PCDHA2: variants seen among roughly 807,000 people sequenced by gnomAD.
The protein encoded by PCDHA2 is protocadherin alpha-2.
In PCDHA2, 58 loss-of-function variants were observed where a neutral mutation model predicts 66.0. That is an observed-to-expected ratio of 0.88 (90% CI 0.71 to 1.09). The LOEUF (loss-of-function observed/expected upper bound fraction) is 1.09. PCDHA2 is among the 50% of genes least tolerant of loss of function. The pLI is 0.00. For synonymous variants in PCDHA2, 634 were observed against 554.0 expected, an observed-to-expected ratio of 1.14 and a Z score of -2.03; for missense variants, 1,267 against 1,242.3, an observed-to-expected ratio of 1.02 and a Z score of -0.30.
intron 1 of PCDHA2, chr5:140,852,529 G>T: frequency 2.4e-6 from 1 of 416,580 alleles, no homozygotes. Context: ...TCCCACCTCG[G>T]CCTCCCAAAG....
chr5:140,809,233 G>C, intron 1 of PCDHA2: 1 of 1,614,102 alleles, frequency 6.2e-7, no homozygotes, highest in Non-Finnish European at 8.5e-7. Context: ...CCTCACGGGC[G>C]TTGGTGGGCG....
intron 1 of PCDHA2, chr5:140,865,770 T>C (rs1554159611): frequency 6.6e-6 from 1 of 152,200 alleles, no homozygotes; most frequent in Non-Finnish European, 1.5e-5. Context: ...GGAGATATTA[T>C]TCAAATGTGT....
At chr5:140,969,963 AT>A (rs2096372822) in intron 1 of PCDHA2, among the ~76,000 whole-genome samples, 1 of 152,204 alleles carries the variant, frequency 6.6e-6, no homozygotes. Context: ...CTTTGGCTGT[AT>A]GATGTGGCAA....
At chr5:140,832,358 T>G (rs1293168381) in intron 1 of PCDHA2, among the ~76,000 whole-genome samples, 1 of 152,342 alleles carries the variant, frequency 6.6e-6, no homozygotes, top group South Asian at 2.1e-4. Flanking sequence ...TTTCCTAATG[T>G]GAGCATTTTC....
chr5:140,968,488 C>A, intron 1 of PCDHA2: 1 of 1,614,148 alleles, frequency 6.2e-7, no homozygotes, highest in South Asian at 1.1e-5. Context: ...ACATGAATGA[C>A]CATGCCCCTC....
intron 1 of PCDHA2, among the ~76,000 whole-genome samples, chr5:140,818,648 G>T (rs1766410159): frequency 6.6e-6 from 1 of 152,298 alleles, no homozygotes; most frequent in South Asian, 2.1e-4. Context: ...ATGAGCCTGA[G>T]CAATATAGGG....
chr5:140,872,241 C>T (rs187831325), intron 1 of PCDHA2, among the ~76,000 whole-genome samples: 8 of 151,642 alleles, frequency 5.3e-5, no homozygotes, highest in Admixed American at 5.3e-4. Context: ...TGTCTTTATT[C>T]CTGTGATAAT....
At chr5:140,876,141 AG>A in intron 1 of PCDHA2, 1 of 1,613,984 alleles carries the variant, frequency 6.2e-7, no homozygotes, top group Non-Finnish European at 8.5e-7. Context: ...CAGAACTAAC[AG>A]GGTCTGTCCA....
At chr5:140,802,880 C>A in intron 1 of PCDHA2, 1 of 1,613,596 alleles carries the variant, frequency 6.2e-7, no homozygotes, top group South Asian at 1.1e-5. Context: ...AGAACGACAA[C>A]GCGCCGGCAC....
chr5:140,985,283 A>G (rs955144760), intron 3 of PCDHA2, among the ~76,000 whole-genome samples: 6 of 152,020 alleles, frequency 3.9e-5, no homozygotes, highest in Admixed American at 1.3e-4. Context: ...TCTGCAATCT[A>G]TGATATAGTG....
rs1762122558 is a variant in PCDHA2, at chr5:140,796,685, C to G, written c.1721C>G (p.Ala574Gly). 12 of 1,613,784 alleles carry G rather than the reference C, an allele frequency of 7.4e-6. No individual in the cohort carries two copies. Among genetic ancestry groups the G allele is most frequent in the African/African-American group, 1.3e-5 (1 of 74,948 alleles). The change falls in exon 1 of 4, where the codon GCT becomes GGT. Residue 574 changes from alanine (A) to glycine (G), a missense_variant. Physicochemically the swap from Ala to Gly is moderately conservative, Grantham distance 60 (BLOSUM62 0). Transcript: ENST00000526136. ...TTGGCGCCTAGGGCTGGCACCGCTGCTGGCGCAGTGAGTGAGCTGGTGCCG... is the reference window on the plus strand; with the variant it reads ...TTGGCGCCTAGGGCTGGCACCGCTGGTGGCGCAGTGAGTGAGCTGGTGCCG... ...ALLAPRAGTA[A>G]GAVSELVPWS...
intron 1 of PCDHA2, chr5:140,967,870 G>C (rs782622860): frequency 1.2e-6 from 2 of 1,614,152 alleles, no homozygotes; most frequent in Admixed American, 3.3e-5. Context: ...TGGTGCTCAC[G>C]GACCTGTATA....
chr5:140,973,126 T>C (rs1554234908), intron 1 of PCDHA2, among the ~76,000 whole-genome samples: 1 of 152,144 alleles, frequency 6.6e-6, no homozygotes, highest in Non-Finnish European at 1.5e-5. Flanking sequence ...ATGAATTAAG[T>C]TTGCATTCAC....
At chr5:140,908,234 C>T (rs1262299431) in intron 1 of PCDHA2, among the ~76,000 whole-genome samples, 5 of 152,184 alleles carry the variant, frequency 3.3e-5, no homozygotes, top group Non-Finnish European at 7.3e-5. Context: ...CCTTAGTCTT[C>T]TCTTCCTCAT....
intron 1 of PCDHA2, chr5:140,862,887 G>C (rs781965401): frequency 2.7e-5 from 15 of 562,992 alleles, no homozygotes; most frequent in South Asian, 1.8e-4. Flanking sequence ...GTGCTGGAAC[G>C]ACAACTTTGT....
intron 1 of PCDHA2, chr5:140,803,214 G>T: frequency 6.2e-7 from 1 of 1,613,866 alleles, no homozygotes. Flanking sequence ...GGTGGAGAGT[G>T]GCCAGGCACC....
In PCDHA2 at chr5:140,856,006, T is replaced by C. The variant is rs782149074; in HGVS notation, c.2388+58654T>C. ...AAAATGTCAGATCGTATGTGCGTTC[T>C]AGACCGCTGATTCGTCGATTTGTAA... is the stretch of plus-strand genomic sequence containing the variant. On this transcript the variant is annotated intron_variant, in intron 1 of 3. Coordinates refer to ENST00000526136, the MANE Select transcript of PCDHA2 (RefSeq NM_018905.3). The C allele has an allele frequency of 9.1e-6, 14 of 1,540,444 alleles. No individual in the cohort carries two copies. The African/African-American group carries it at 1.4e-4, about 15-fold the overall frequency.
intron 1 of PCDHA2, chr5:140,851,015 G>T: frequency 7.0e-7 from 1 of 1,432,294 alleles, no homozygotes. Flanking sequence ...TTTTTTTTCT[G>T]ATAAAGTAAA....
chr5:140,981,026 A>T (rs1300851844), intron 2 of PCDHA2, among the ~76,000 whole-genome samples: 3 of 152,088 alleles, frequency 2.0e-5, no homozygotes, highest in Admixed American at 6.5e-5. Flanking sequence ...GGCTGTTAAT[A>T]TTTGGGGAAA....
Sources: allele counts gnomAD v4.1 joint callset (sites outside exome capture counted in the v4.1 genomes callset), GRCh38; gene constraint gnomAD v4.1.1; transcripts MANE v1.5; gene names NCBI Gene and HGNC (gene_info 2026-07-23, HGNC 2026-07-21).